PCDHA1: variants seen among roughly 807,000 people sequenced by gnomAD.
PCDHA1 encodes protocadherin alpha-1.
In PCDHA1, 42 loss-of-function variants were observed where a neutral mutation model predicts 61.3. That is an observed-to-expected ratio of 0.69 (90% CI 0.54 to 0.89). PCDHA1 has a LOEUF of 0.89. Among genes scored for constraint, PCDHA1 ranks in the 40% least tolerant of loss-of-function variants. The probability of loss-of-function intolerance (pLI) is 0.00; values close to 1 mark genes in which losing one functional copy is unlikely to be tolerated. For missense variants in PCDHA1, 1,256 were observed against 1,235.3 expected, an observed-to-expected ratio of 1.02 and a Z score of -0.25; for synonymous variants, 610 against 553.8, an observed-to-expected ratio of 1.10 and a Z score of -1.43.
chr5:140,985,236 C>G (rs1338808702), intron 3 of PCDHA1, among the ~76,000 whole-genome samples: 1 of 152,184 alleles, frequency 6.6e-6, no homozygotes, highest in Admixed American at 6.5e-5. Context: ...CGCGCCTGGC[C>G]TAATCTTCTT....
chr5:140,925,596 T>G (rs1218423622), intron 1 of PCDHA1, among the ~76,000 whole-genome samples: 1 of 151,466 alleles, frequency 6.6e-6, no homozygotes, highest in Admixed American at 6.6e-5. Context: ...TGTATACATA[T>G]GTAACAAACC....
At chr5:140,972,540 T>C (rs1375467339) in intron 1 of PCDHA1, among the ~76,000 whole-genome samples, 1 of 152,148 alleles carries the variant, frequency 6.6e-6, no homozygotes, top group East Asian at 1.9e-4. Context: ...AAATCACTTG[T>C]GCAGTGAGGA....
intron 1 of PCDHA1, chr5:140,856,437 C>T (rs2043996083): frequency 1.9e-6 from 3 of 1,598,304 alleles, no homozygotes; most frequent in Non-Finnish European, 1.7e-6. Flanking sequence ...GACAACCCGC[C>T]CAGGTTCTCC....
At chr5:140,984,976 C>A (rs905264957) in intron 3 of PCDHA1, among the ~76,000 whole-genome samples, 8 of 151,910 alleles carry the variant, frequency 5.3e-5, no homozygotes, top group African/African-American at 1.9e-4. Flanking sequence ...CTCGCTCTGT[C>A]CCCCAGGCTG....
chr5:140,895,603 T>C (rs2065070404), intron 1 of PCDHA1, among the ~76,000 whole-genome samples: 1 of 152,156 alleles, frequency 6.6e-6, no homozygotes, highest in African/African-American at 2.4e-5. Context: ...TTTGCAAAGA[T>C]TTTCTCATTG....
chr5:140,865,443 G>A (rs192930935), intron 1 of PCDHA1: 1 of 152,292 alleles, frequency 6.6e-6, no homozygotes, highest in East Asian at 1.9e-4. Context: ...TAACTTCTGA[G>A]AAGATGATTT....
chr5:140,863,992 C>T (rs1554158598), intron 1 of PCDHA1: 3 of 152,876 alleles, frequency 2.0e-5, no homozygotes, highest in African/African-American at 7.3e-5. Context: ...CAGGGTGAAA[C>T]TCTGTCTTAA....
chr5:140,971,468 A>C (rs938390548), intron 1 of PCDHA1, among the ~76,000 whole-genome samples: 7 of 152,174 alleles, frequency 4.6e-5, no homozygotes, highest in African/African-American at 7.2e-5. Context: ...AGTTATAGGG[A>C]GAGAGTGTCA....
At chr5:140,828,821 C>T (rs1402518398) in intron 1 of PCDHA1, 1 of 1,614,068 alleles carries the variant, frequency 6.2e-7, no homozygotes, top group Non-Finnish European at 8.5e-7. Flanking sequence ...CACTTTCGAA[C>T]AGTCTGAATA....
chr5:140,796,952 C>T, intron 1 of PCDHA1: 1 of 1,613,804 alleles, frequency 6.2e-7, no homozygotes. Flanking sequence ...ACAGCCACGG[C>T]CACCGTGTTA....
chr5:140,816,013 A>C (rs1254998757), intron 1 of PCDHA1: 1 of 152,094 alleles, frequency 6.6e-6, no homozygotes, highest in African/African-American at 2.4e-5. Flanking sequence ...TAAATTCTTA[A>C]CATTTCTTGG....
intron 1 of PCDHA1, chr5:140,828,723 T>G (rs1554131483): frequency 7.4e-6 from 12 of 1,614,088 alleles, no homozygotes; most frequent in Admixed American, 1.7e-5. Flanking sequence ...CACAACTTAT[T>G]CCTGACAGCC....
intron 1 of PCDHA1, chr5:140,853,653 C>G: frequency 3.0e-6 from 3 of 988,604 alleles, no homozygotes; most frequent in Non-Finnish European, 3.7e-6. Flanking sequence ...TGAGCCTGTT[C>G]CAGACAAATT....
rs150390468 is a variant in PCDHA1 at position 140,876,777 on chromosome 5, G to A, written c.2394+88093G>A. The A allele has an allele frequency of 2.3e-3, 3,781 of 1,614,244 alleles. 8 individuals carry two copies. Among genetic ancestry groups the A allele is most frequent in the Non-Finnish European group, 3.0e-3 (3,507 of 1,180,036 alleles). On this transcript the variant is annotated intron_variant, in intron 1 of 3. Coordinates refer to ENST00000504120, the MANE Select transcript of PCDHA1 (RefSeq NM_018900.4). ...CGCGGGATGGGGGCTCGCCTTCGCT[G>A]TGGGCCACGGCTAGAGTGTCCGTGG...
In PCDHA1 at chr5:140,874,725, T is replaced by C. The variant is rs181567985; in HGVS notation, c.2394+86041T>C. Among the ~76,000 whole-genome samples, 426 of 152,372 alleles carry C rather than the reference T, an allele frequency of 2.8e-3. 2 individuals are homozygous for C. Among genetic ancestry groups the C allele is most frequent in the Middle Eastern group, 0.014 (4 of 294 alleles). On this transcript the variant is annotated intron_variant, in intron 1 of 3. Transcript: ENST00000504120. The stretch of plus-strand genomic sequence containing the variant: ...ATGAGAGCAGTTATGTGAAAAGTTA[T>C]CACATTCAAGCATCAAGGAACCAAA...
intron 1 of PCDHA1, chr5:140,927,653 G>T: frequency 6.2e-7 from 1 of 1,614,190 alleles, no homozygotes; most frequent in Non-Finnish European, 8.5e-7. Context: ...GTGTTATTCC[G>T]AGTTCAAGCC....
At chr5:140,965,442 G>A (rs782186943) in intron 1 of PCDHA1, among the ~76,000 whole-genome samples, 3 of 151,978 alleles carry the variant, frequency 2.0e-5, no homozygotes, top group Non-Finnish European at 4.4e-5. Flanking sequence ...CATTGAAATT[G>A]CTGGTTATTG....
chr5:140,841,365 T>C (rs1238477201), intron 1 of PCDHA1: 13 of 1,613,134 alleles, frequency 8.1e-6, no homozygotes, highest in Non-Finnish European at 1.1e-5. Context: ...TGGCGACTAC[T>C]ACTCTTGCTT....
chr5:140,884,762 A>C, intron 1 of PCDHA1: 1 of 1,423,132 alleles, frequency 7.0e-7, no homozygotes, highest in Non-Finnish European at 9.2e-7. Flanking sequence ...ATTATTCTTT[A>C]CTTTAATTTT....
Sources: allele counts gnomAD v4.1 joint callset (sites outside exome capture counted in the v4.1 genomes callset), GRCh38; gene constraint gnomAD v4.1.1; transcripts MANE v1.5; gene names NCBI Gene and HGNC (gene_info 2026-07-23, HGNC 2026-07-21).